The following CDC42BPA variants were observed in gnomAD, a reference collection of about 807,000 sequenced individuals.
The protein encoded by CDC42BPA is CDC42 binding protein kinase alpha.
Under a neutral mutation model 223.5 loss-of-function variants are expected in CDC42BPA, and 80 were observed. The observed-to-expected ratio is 0.36, with a 90% CI of 0.30 to 0.43. The LOEUF (loss-of-function observed/expected upper bound fraction) is 0.43, where lower values mean the gene tolerates loss of function less well. Ranked by LOEUF, CDC42BPA falls within the 20% of genes least tolerant of loss-of-function variation. CDC42BPA has a pLI of 1.00. For missense variants in CDC42BPA, 1,743 were observed against 2,099.9 expected, an observed-to-expected ratio of 0.83 and a Z score of 3.32; for synonymous variants, 694 against 718.6, an observed-to-expected ratio of 0.97 and a Z score of 0.55.
intron 5 of CDC42BPA, among the ~76,000 whole-genome samples, chr1:227,165,745 T>C (rs1008903729): frequency 1.3e-5 from 2 of 152,004 alleles, no homozygotes; most frequent in African/African-American, 4.8e-5. Flanking sequence ...AATTCGCAAA[T>C]CTAGAAACAT....
At chr1:227,280,114 A>T (rs1221769725) in intron 1 of CDC42BPA, among the ~76,000 whole-genome samples, 2 of 152,158 alleles carry the variant, frequency 1.3e-5, no homozygotes, top group Non-Finnish European at 2.9e-5. Flanking sequence ...AACCTTGTAT[A>T]AAAAAAGACT....
chr1:227,112,089 T>TG, intron 14 of CDC42BPA: 1 of 364,296 alleles, frequency 2.7e-6, no homozygotes, highest in Non-Finnish European at 4.9e-6. Context: ...AACTCCCTCC[T>TG]GATAGATTCA....
intron 5 of CDC42BPA, among the ~76,000 whole-genome samples, chr1:227,165,493 TATTA>T (rs1413704571): frequency 2.0e-5 from 3 of 152,210 alleles, no homozygotes; most frequent in Non-Finnish European, 2.9e-5. Context: ...TTGAGCCTAT[TATTA>T]ATTATAGGAA....
chr1:227,053,698 T>C (rs1163530055), intron 21 of CDC42BPA, among the ~76,000 whole-genome samples: 1 of 152,186 alleles, frequency 6.6e-6, no homozygotes, highest in Admixed American at 6.5e-5. Context: ...GGCTAAGTTA[T>C]ATTATTTCCT....
At chr1:227,072,115 C>T in intron 20 of CDC42BPA, 93 bp downstream of exon 20, 1 of 700,370 alleles carries the variant, frequency 1.4e-6, no homozygotes, top group African/African-American at 1.8e-5. Flanking sequence ...GTCAACAATT[C>T]TCCCACCTAT....
intron 1 of CDC42BPA, among the ~76,000 whole-genome samples, chr1:227,298,020 C>T (rs1413125869): frequency 2.1e-5 from 3 of 145,914 alleles, no homozygotes; most frequent in African/African-American, 7.6e-5. Context: ...ATAATATATA[C>T]ATACATAAAT....
chr1:227,023,724 G>A (rs1667783056), intron 31 of CDC42BPA, among the ~76,000 whole-genome samples: 1 of 152,100 alleles, frequency 6.6e-6, no homozygotes. Context: ...GGAGATGGAA[G>A]GGTAGATCAC....
chr1:227,007,901 C>T (rs1664400799), intron 34 of CDC42BPA, among the ~76,000 whole-genome samples: 1 of 152,204 alleles, frequency 6.6e-6, no homozygotes, highest in Non-Finnish European at 1.5e-5. Flanking sequence ...TACTAAACGT[C>T]CTCATACTTG....
At chr1:227,059,418 C>G (rs1033948351) in intron 21 of CDC42BPA, 1 of 1,560,350 alleles carries the variant, frequency 6.4e-7, no homozygotes, top group African/African-American at 1.4e-5. Context: ...AGCGCTTCAA[C>G]AGAGAAAGGA....
chr1:227,273,535 CA>C (rs71937451), intron 1 of CDC42BPA, among the ~76,000 whole-genome samples: 65 of 132,158 alleles, frequency 4.9e-4, no homozygotes, highest in Non-Finnish European at 4.6e-4. Flanking sequence ...AACTCTGTCT[CA>C]AAAAAAAAAA....
chr1:227,057,617 G>T (rs1674860886), intron 21 of CDC42BPA, among the ~76,000 whole-genome samples: 1 of 152,148 alleles, frequency 6.6e-6, no homozygotes. Flanking sequence ...TTCAGTGGCT[G>T]ACTTTTTTTG....
At chr1:227,209,290 T>C (rs1673430061) in intron 3 of CDC42BPA, among the ~76,000 whole-genome samples, 1 of 150,300 alleles carries the variant, frequency 6.7e-6, no homozygotes, top group Non-Finnish European at 1.5e-5. Flanking sequence ...TATATAATCA[T>C]GTCGTCTGCA....
intron 1 of CDC42BPA, among the ~76,000 whole-genome samples, chr1:227,292,504 ATATTT>A (rs1345418357): frequency 6.6e-6 from 1 of 152,226 alleles, no homozygotes; most frequent in Non-Finnish European, 1.5e-5. Context: ...CTTTTTAAAA[ATATTT>A]TATTAACAAA....
At chr1:227,015,832 A>G (rs1387931422) in intron 34 of CDC42BPA, among the ~76,000 whole-genome samples, 1 of 152,232 alleles carries the variant, frequency 6.6e-6, no homozygotes, top group African/African-American at 2.4e-5. Flanking sequence ...AAACCTAGGC[A>G]TGGGAGAAAT....
At chr1:227,235,171 T>C (rs1678770219) in intron 2 of CDC42BPA, 1 of 152,188 alleles carries the variant, frequency 6.6e-6, no homozygotes. Context: ...GAGGAGAACC[T>C]ACACCATCTG....
chr1:227,263,938 G>A (rs1471013301), intron 1 of CDC42BPA, among the ~76,000 whole-genome samples: 1 of 152,118 alleles, frequency 6.6e-6, no homozygotes, highest in East Asian at 1.9e-4. Flanking sequence ...GTGTAATCTG[G>A]ATGGATTTTA....
chr1:227,171,966 T>C (rs1309046942), intron 5 of CDC42BPA, among the ~76,000 whole-genome samples: 1 of 152,210 alleles, frequency 6.6e-6, no homozygotes, highest in Non-Finnish European at 1.5e-5. Flanking sequence ...GGTTCCTTTT[T>C]ATCATTTATA....
At chr1:227,092,483 A>G (rs952793887) in intron 15 of CDC42BPA, among the ~76,000 whole-genome samples, 2 of 152,202 alleles carry the variant, frequency 1.3e-5, no homozygotes, top group Non-Finnish European at 2.9e-5. Flanking sequence ...TTTGCTTCAC[A>G]TGCATTACGT....
At chr1:227,074,511 CT>C (rs1679064391) in intron 17 of CDC42BPA, 147 bp from the exon 18 acceptor site, 1 of 579,504 alleles carries the variant, frequency 1.7e-6, no homozygotes, top group Non-Finnish European at 3.0e-6. Flanking sequence ...CCATAGTATA[CT>C]ACCTGTCAAC....
Sources: gnomAD v4.1 joint callset for allele counts (sites outside exome capture counted in the v4.1 genomes callset) on GRCh38, gnomAD v4.1.1 for gene constraint, MANE v1.5 for transcripts, NCBI Gene and HGNC (gene_info 2026-07-23, HGNC 2026-07-21) for gene names.